DNA2: variants seen among roughly 807,000 people sequenced by gnomAD.
DNA2 encodes DNA replication helicase/nuclease 2, also known as DNA replication ATP-dependent helicase/nuclease DNA2.
DNA2 carries 101 observed loss-of-function variants against 119.1 expected under a neutral mutation model. That is an observed-to-expected ratio of 0.85 (90% CI 0.72 to 1.00). The LOEUF is 1.00. Ranked by LOEUF, DNA2 falls within the 50% of genes least tolerant of loss-of-function variation. The pLI, the probability that DNA2 is intolerant of heterozygous loss-of-function variation, is 0.00. For missense variants in DNA2, 1,121 were observed against 1,255.5 expected (o/e 0.89, Z 1.62); for synonymous variants, 366 against 424.4 (o/e 0.86, Z 1.69).
intron 7 of DNA2, among the ~76,000 whole-genome samples, chr10:68,445,518 GA>G (rs2052027458): frequency 6.6e-6 from 1 of 151,824 alleles, no homozygotes; most frequent in Non-Finnish European, 1.5e-5. Flanking sequence ...TTAAAACGGA[GA>G]AAACAGTATT....
At chr10:68,455,071 T>G (rs1256542308) in intron 5 of DNA2, among the ~76,000 whole-genome samples, 4 of 145,186 alleles carry the variant, frequency 2.8e-5, no homozygotes, top group Non-Finnish European at 5.9e-5. Context: ...CCCGAGTAGC[T>G]GGGATTTACA....
At chr10:68,445,712 C>T (rs1162239778) in intron 7 of DNA2, among the ~76,000 whole-genome samples, 5 of 151,990 alleles carry the variant, frequency 3.3e-5, no homozygotes, top group Admixed American at 6.6e-5. Flanking sequence ...AAGATAAATA[C>T]AGCTATCTAG....
rs777217386 is a variant in DNA2 at position 68,432,435 on chromosome 10, T to C, written c.1722A>G (p.Pro574=). ...QEEKNCDIDT[P]LGNLSKLMEN... is the part of the protein sequence containing the mutation. ...CCATCAATTTGGAAAGATTTCCTAATGGGGTATCTATATCACAATTTTTTT... is the reference window on the plus strand; with the variant it reads ...CCATCAATTTGGAAAGATTTCCTAACGGGGTATCTATATCACAATTTTTTT... Residue 574 remains proline (P), a synonymous_variant, in exon 11 of 21, where the codon CCA becomes CCG. Coordinates refer to ENST00000358410, the MANE Select transcript of DNA2 (RefSeq NM_001080449.3). 3 of 1,598,744 alleles carry C rather than the reference T, an allele frequency of 1.9e-6. No homozygotes were observed. The highest frequency in any genetic ancestry group is 2.6e-6 in the Non-Finnish European group (3 of 1,172,230).
chr10:68,469,901 C>T lies in DNA2; in HGVS notation c.257+80G>A, dbSNP rs765692479. 22 of 1,236,908 alleles carry T rather than the reference C, an allele frequency of 1.8e-5. No individual in the cohort carries two copies. The Middle Eastern group carries it at 6.3e-4, about 35-fold the overall frequency. 76.6% of individuals were successfully genotyped at this position (1,236,908 alleles called of 1,614,324 possible). A position where few individuals can be genotyped will look rare whatever the true frequency, so the allele number is the denominator to read the frequency against. ...CTTTTAAACAATTAAATTATAGTAA[C>T]ATTCACAGAAGCCATTTGATGAGTT... On this transcript the variant is annotated intron_variant, in intron 2 of 20. Coordinates refer to ENST00000358410, the MANE Select transcript of DNA2 (RefSeq NM_001080449.3).
At chr10:68,472,055 T>C (rs2052389976), upstream of DNA2, 1 of 1,597,680 alleles carries the variant, frequency 6.3e-7, no homozygotes, top group Admixed American at 1.7e-5. Context: ...GCCCCTCACC[T>C]GAGCAGCAGG....
rs1295681052 is a variant in DNA2, at chr10:68,450,131, G to A, written c.836C>T (p.Thr279Ile). ...CCCTCGATGTATTTTCACACCAACT[G>A]TAACATCTATTTTGCCTTTCAATCC... ...RFGLKGKIDV[T>I]VGVKIHRGYK... Residue 279 changes from threonine to isoleucine, a missense_variant, in exon 6 of 21, where the codon ACA (threonine) becomes ATA (isoleucine). Coordinates refer to ENST00000358410, the MANE Select transcript of DNA2 (RefSeq NM_001080449.3). 5 of 1,607,038 alleles carry A rather than the reference G, an allele frequency of 3.1e-6. No homozygotes were observed. The highest frequency in any genetic ancestry group is 4.5e-5 in the East Asian group (2 of 44,786).
At position 68,419,794 on chromosome 10, in the gene DNA2, C is replaced by T; in HGVS notation, c.2787+9G>A. 1 of 1,603,334 alleles carries T rather than the reference C, an allele frequency of 6.2e-7. No homozygotes were observed. The highest frequency in any genetic ancestry group is 8.5e-7 in the Non-Finnish European group (1 of 1,170,562). ...TTAATATTTGCTAGCCTTGAAAATT[C>T]TAAATTACCTTAACAAAAATGGAGG... is the stretch of plus-strand genomic sequence containing the variant. On this transcript the variant is annotated intron_variant, in intron 18 of 20. Transcript: ENST00000358410.
At chr10:68,470,862 G>T (rs1433217762) in intron 1 of DNA2, among the ~76,000 whole-genome samples, 3 of 152,120 alleles carry the variant, frequency 2.0e-5, no homozygotes, top group African/African-American at 7.2e-5. Flanking sequence ...GAAATCTTTC[G>T]ATAAAATCTC....
chr10:68,433,696 A>C (rs1168074553), intron 10 of DNA2, among the ~76,000 whole-genome samples: 1 of 152,036 alleles, frequency 6.6e-6, no homozygotes, highest in East Asian at 1.9e-4. Context: ...CACCTGGCTA[A>C]TTTTTTAATT....
At chr10:68,424,503 C>CAAA in intron 14 of DNA2, 556 of 474,080 alleles carry the variant, frequency 1.2e-3, no homozygotes, top group Non-Finnish European at 1.5e-3. Context: ...GTCACTGTCT[C>CAAA]AAAAAAAAAA....
chr10:68,461,388 T>C (rs765232477), intron 4 of DNA2: 1 of 152,108 alleles, frequency 6.6e-6, no homozygotes, highest in African/African-American at 2.4e-5. Flanking sequence ...TTTAAAACAT[T>C]TGCAAAAATA....
chr10:68,416,771 GCA>G lies in DNA2; in HGVS notation c.3050_3051del (p.Val1017AlafsTer14), dbSNP rs781479196. The G allele has an allele frequency of 6.2e-7, 1 of 1,613,680 alleles. No individual in the cohort carries two copies. Among genetic ancestry groups the G allele is most frequent in the Non-Finnish European group, 8.5e-7 (1 of 1,179,644 alleles). On this transcript the variant is annotated frameshift_variant, in exon 20 of 21. Transcript: ENST00000358410. LOFTEE classifies it high-confidence loss of function. ...AAAGGAGGATAGCAATTTAGTGAGG[GCA>G]CACACCCCAGAAGAATCAGTTTATG... Reference protein sequence around the residue: ...AKHKLILLGCVPSLNCYPPLE... With the variant: ...AKHKLILLGCXPSLNCYPPLE...
intron 14 of DNA2, chr10:68,424,675 G>C (rs1026414022): frequency 1.0e-5 from 16 of 1,606,728 alleles, no homozygotes; most frequent in Non-Finnish European, 1.3e-5. Flanking sequence ...AAGGAGCTGC[G>C]GCAGAAGTAC....
At chr10:68,444,799 G>T in intron 8 of DNA2, 122 bp downstream of exon 8, 1 of 633,802 alleles carries the variant, frequency 1.6e-6, no homozygotes. Context: ...TAATACGAAG[G>T]AAAATATAAA....
At chr10:68,462,370 A>G (rs766294947) in intron 4 of DNA2, among the ~76,000 whole-genome samples, 10 of 152,234 alleles carry the variant, frequency 6.6e-5, no homozygotes, top group Non-Finnish European at 1.2e-4. Flanking sequence ...GACTGTCTCA[A>G]TAACAACCAC....
intron 9 of DNA2, among the ~76,000 whole-genome samples, chr10:68,440,744 C>T (rs2051957152): frequency 6.6e-6 from 1 of 152,188 alleles, no homozygotes. Flanking sequence ...ACTTTCTCCA[C>T]TGCAATGTTT....
chr10:68,472,346 C>T (rs1747612476), upstream of DNA2, among the ~76,000 whole-genome samples: 1 of 152,136 alleles, frequency 6.6e-6, no homozygotes, highest in African/African-American at 2.4e-5. Flanking sequence ...ATTGTGCACT[C>T]CCTGGGAAAC....
At chr10:68,465,300 A>G (rs563204404) in intron 4 of DNA2, among the ~76,000 whole-genome samples, 39 of 151,996 alleles carry the variant, frequency 2.6e-4, no homozygotes, top group Non-Finnish European at 4.9e-4. Flanking sequence ...TACAGGCGTG[A>G]GCCACCGCAC....
chr10:68,446,756 T>C (rs931075627), intron 6 of DNA2, among the ~76,000 whole-genome samples: 7 of 152,162 alleles, frequency 4.6e-5, no homozygotes, highest in African/African-American at 1.7e-4. Context: ...AAACTTTGTA[T>C]GTTCTCACTT....
Sources: allele counts gnomAD v4.1 joint callset (sites outside exome capture counted in the v4.1 genomes callset), GRCh38; gene constraint gnomAD v4.1.1; transcripts MANE v1.5; gene names NCBI Gene and HGNC (gene_info 2026-07-23, HGNC 2026-07-21).